NUMB: variants seen among roughly 807,000 people sequenced by gnomAD.
NUMB encodes protein numb homolog.
NUMB carries 29 observed loss-of-function variants against 59.7 expected under a neutral mutation model. The ratio of observed to expected loss-of-function variants is 0.49; its 90% CI spans 0.36 to 0.66. NUMB has a LOEUF of 0.66. Ranked by LOEUF, NUMB falls within the 30% of genes least tolerant of loss-of-function variation. The probability of loss-of-function intolerance (pLI) is 0.00; values close to 1 mark genes in which losing one functional copy is unlikely to be tolerated. For synonymous variants in NUMB, 288 were observed against 288.2 expected (o/e 1.00, Z 0.01); for missense variants, 723 against 822.0 (o/e 0.88, Z 1.47).
chr14:73,434,751 A>G (rs1340465225), intron 1 of NUMB, among the ~76,000 whole-genome samples: 1 of 152,160 alleles, frequency 6.6e-6, no homozygotes. Flanking sequence ...ATAGCTCTCT[A>G]CAAAACACAG....
intron 4 of NUMB, among the ~76,000 whole-genome samples, chr14:73,349,896 A>G (rs1362880147): frequency 6.6e-6 from 1 of 151,586 alleles, no homozygotes; most frequent in East Asian, 2.0e-4. Context: ...AAAACAAAAA[A>G]CAAAAAAAAC....
chr14:73,369,044 C>CT (rs66895849), intron 2 of NUMB, among the ~76,000 whole-genome samples: 76 of 133,880 alleles, frequency 5.7e-4, no homozygotes, highest in Admixed American at 1.4e-3. Context: ...AGAACATTTT[C>CT]TTTTTTTTTT....
intron 1 of NUMB, among the ~76,000 whole-genome samples, chr14:73,416,364 C>T (rs534876360): frequency 1.1e-4 from 17 of 149,624 alleles, no homozygotes; most frequent in African/African-American, 3.7e-4. Context: ...ATCACTATGC[C>T]AGTTAGAATA....
intron 2 of NUMB, among the ~76,000 whole-genome samples, chr14:73,397,894 T>C (rs945666709): frequency 9.1e-6 from 1 of 109,800 alleles, no homozygotes; most frequent in African/African-American, 2.6e-5. Context: ...TGCACTCTCC[T>C]TCTGTGTTAA....
chr14:73,352,530 G>GTTT lies in NUMB; in HGVS notation c.126+3093_126+3095dup, dbSNP rs71112735. Among the ~76,000 whole-genome samples, 150 of 20,280 alleles carry GTTT rather than the reference G, an allele frequency of 7.4e-3. 14 individuals are homozygous for GTTT. Among genetic ancestry groups the GTTT allele is most frequent in the African/African-American group, 0.018 (107 of 5,882 alleles). The allele number at this position is 20,280 out of a possible 152,430, so 13.3% of individuals were successfully genotyped here. The stretch of plus-strand genomic sequence containing the variant: ...TATATATATATATATATATATATAT[G>GTTT]TTTTTTTTTTTTTTTTTTTTTTGAG... On this transcript the variant is annotated intron_variant, in intron 4 of 12. Coordinates refer to ENST00000555238, the MANE Select transcript of NUMB (RefSeq NM_001005743.2).
intron 2 of NUMB, among the ~76,000 whole-genome samples, chr14:73,404,456 T>G (rs1896565970): frequency 6.6e-6 from 1 of 152,030 alleles, no homozygotes; most frequent in African/African-American, 2.4e-5. Flanking sequence ...GCTCAAGTAT[T>G]TAGAGGTAAA....
At position 73,297,218 on chromosome 14, in the gene NUMB, T is replaced by G; in HGVS notation, c.302A>C (p.Lys101Thr). 6.3e-7 allele frequency: 1 copy of G among 1,591,482 alleles called. No individual in the cohort carries two copies. Among genetic ancestry groups the G allele is most frequent in the Non-Finnish European group, 8.6e-7 (1 of 1,162,056 alleles). Residue 101 changes from lysine to threonine, a missense_variant, in exon 7 of 13, where the codon AAA (lysine) becomes ACA (threonine). This residue lies in a region of NUMB where 317 missense variants were observed against 436.6 expected (regional missense o/e 0.73). Coordinates refer to ENST00000555238, the MANE Select transcript of NUMB (RefSeq NM_001005743.2). ...AAAAATAAAGAATCTTACCTTAGTT[T>G]TTTCATCCACAACTCTGAGTCCATC... is the stretch of plus-strand genomic sequence containing the variant. ...SADGLRVVDE[K>T]TKDLIVDQTI...
intron 4 of NUMB, among the ~76,000 whole-genome samples, chr14:73,342,936 C>G (rs1279325918): frequency 6.6e-6 from 1 of 152,042 alleles, no homozygotes; most frequent in Admixed American, 6.6e-5. Context: ...CCTCTACCTC[C>G]TTACCTCAGC....
At chr14:73,348,659 G>C (rs536294046) in intron 4 of NUMB, among the ~76,000 whole-genome samples, 2 of 152,288 alleles carry the variant, frequency 1.3e-5, no homozygotes, top group Admixed American at 1.3e-4. Flanking sequence ...ACCTGCCCCA[G>C]CCCCCTAACC....
Position 73,276,988 on chromosome 14 carries a change from C to T in NUMB, c.1546G>A (p.Gly516Arg). The change falls in exon 13 of 13, where the codon GGA becomes AGA. Residue 516 changes from glycine (G) to arginine (R), a missense_variant. Coordinates refer to ENST00000555238, the MANE Select transcript of NUMB (RefSeq NM_001005743.2). ...ACATTAGGGGCTGGATAGGGCATTC[C>T]ATTGGCCACAGGATAGGACTGGGCA... ...VPAQSYPVAN[G>R]MPYPAPNVPV... 1 of 1,614,112 alleles carries T rather than the reference C, an allele frequency of 6.2e-7. No homozygotes were observed. The highest frequency in any genetic ancestry group is 8.5e-7 in the Non-Finnish European group (1 of 1,180,018).
At chr14:73,453,042 C>T (rs1884094640) in intron 1 of NUMB, among the ~76,000 whole-genome samples, 1 of 152,206 alleles carries the variant, frequency 6.6e-6, no homozygotes, top group Admixed American at 6.5e-5. Flanking sequence ...CTCCCTTAAG[C>T]ACGTCAGTAT....
chr14:73,397,787 CT>C (rs1172064512), intron 2 of NUMB, among the ~76,000 whole-genome samples: 2 of 152,142 alleles, frequency 1.3e-5, no homozygotes, highest in African/African-American at 4.8e-5. Flanking sequence ...ATATATGTGT[CT>C]ATAAAGGTTT....
intron 1 of NUMB, among the ~76,000 whole-genome samples, chr14:73,434,779 G>T (rs566126681): frequency 5.3e-5 from 8 of 151,956 alleles, no homozygotes; most frequent in African/African-American, 1.9e-4. Context: ...TCTTTCTTTT[G>T]AATCATTCAA....
chr14:73,300,254 A>T (rs1890058550), intron 6 of NUMB, among the ~76,000 whole-genome samples: 1 of 152,182 alleles, frequency 6.6e-6, no homozygotes. Flanking sequence ...TGGGGCTAGA[A>T]TACAAGTTTT....
chr14:73,287,965 C>T (rs1889126992), intron 8 of NUMB, among the ~76,000 whole-genome samples: 1 of 152,048 alleles, frequency 6.6e-6, no homozygotes, highest in Non-Finnish European at 1.5e-5. Flanking sequence ...CTTCTAGTTG[C>T]CCTTTGGGGA....
chr14:73,358,602 CTTTTTT>C (rs35552161), intron 3 of NUMB, among the ~76,000 whole-genome samples: 1,237 of 118,904 alleles, frequency 0.01, 5 homozygotes, highest in South Asian at 0.037. Flanking sequence ...GAAAGCTAGA[CTTTTTT>C]TTTTTTTTTT....
At chr14:73,367,800 T>G (rs1254908031) in intron 2 of NUMB, among the ~76,000 whole-genome samples, 1 of 146,750 alleles carries the variant, frequency 6.8e-6, no homozygotes, top group Non-Finnish European at 1.5e-5. Context: ...AAAGATGGAT[T>G]CGTGTGGTAC....
intron 1 of NUMB, among the ~76,000 whole-genome samples, chr14:73,421,493 TAATAA>T (rs1897345127): frequency 6.6e-6 from 1 of 152,160 alleles, no homozygotes; most frequent in African/African-American, 2.4e-5. Context: ...AAGTAATTTT[TAATAA>T]AATATTTTAA....
intron 2 of NUMB, among the ~76,000 whole-genome samples, chr14:73,395,037 T>TTTTG (rs1230785169): frequency 1.7e-5 from 2 of 119,922 alleles, no homozygotes; most frequent in Non-Finnish European, 1.7e-5. Context: ...ATTCGTGTGT[T>TTTTG]TGTGTGTGTG....
Sources: gnomAD v4.1 joint callset for allele counts (sites outside exome capture counted in the v4.1 genomes callset) on GRCh38, gnomAD v4.1.1 for gene constraint, gnomAD v4.1.1 regional missense constraint, MANE v1.5 for transcripts, NCBI Gene and HGNC (gene_info 2026-07-23, HGNC 2026-07-21) for gene names.